CHD6: variants seen among roughly 807,000 people sequenced by gnomAD.
CHD6 encodes the protein chromodomain helicase DNA binding protein 6.
In CHD6, 50 loss-of-function variants were observed where a neutral mutation model predicts 276.9. The observed-to-expected ratio is 0.18, with a 90% CI of 0.14 to 0.23. The LOEUF is 0.23. Among genes scored for constraint, CHD6 ranks in the 10% least tolerant of loss-of-function variants. The pLI, the probability that CHD6 is intolerant of heterozygous loss-of-function variation, is 1.00. For synonymous variants in CHD6, 1,173 were observed against 1,229.3 expected (o/e 0.95, Z 0.96); for missense variants, 2,564 against 3,365.8 (o/e 0.76, Z 5.89).
At chr20:41,462,850 AG>A (rs1190841443) in intron 17 of CHD6, among the ~76,000 whole-genome samples, 2 of 152,174 alleles carry the variant, frequency 1.3e-5, no homozygotes, top group Non-Finnish European at 2.9e-5. Flanking sequence ...GTCCACTGAG[AG>A]GGCCTAGAAG....
At chr20:41,541,396 C>T (rs1244044425) in intron 2 of CHD6, among the ~76,000 whole-genome samples, 1 of 152,152 alleles carries the variant, frequency 6.6e-6, no homozygotes, top group Non-Finnish European at 1.5e-5. Flanking sequence ...TTCACATAGT[C>T]ACAGCTGGTT....
rs199798781 is a variant in CHD6, at chr20:41,512,850, G to A, written c.848C>T (p.Ala283Val). ...AACCTCATGCAAAGGCCATACCTCCGCCTGCCAGGCCAGTGTAGAGGCTGA... is the reference window on the plus strand; with the variant it reads ...AACCTCATGCAAAGGCCATACCTCCACCTGCCAGGCCAGTGTAGAGGCTGA... ...ALSASTLAWQ[A>V]EEPPEDDANI... The change falls in exon 5 of 37, where the codon GCG becomes GTG. Residue 283 changes from alanine (A) to valine (V), a missense_variant. This residue lies in a region of CHD6 where 457 missense variants were observed against 889.0 expected (regional missense o/e 0.51). Transcript: ENST00000373233. 73 of 1,613,812 alleles carry A rather than the reference G, an allele frequency of 4.5e-5. No individual in the cohort carries two copies. Among genetic ancestry groups the A allele is most frequent in the Non-Finnish European group, 5.6e-5 (66 of 1,179,890 alleles).
rs187729864 is a variant in CHD6 at position 41,450,904 on chromosome 20, G to A, written c.3683+42C>T. The A allele has an allele frequency of 2.7e-4, 426 of 1,580,188 alleles. 1 individual carries two copies. In the African/African-American group the frequency reaches 5.2e-3, roughly 19 times the overall value. On this transcript the variant is annotated intron_variant, in intron 23 of 36. Coordinates refer to ENST00000373233, the MANE Select transcript of CHD6 (RefSeq NM_032221.5). Reference sequence around the variant, plus strand: ...GGGTTCCCAGGAATCGAAGCAGTCTGAGCCGGGCTGCCACCAGGGTATGGG... The same window carrying A: ...GGGTTCCCAGGAATCGAAGCAGTCTAAGCCGGGCTGCCACCAGGGTATGGG...
intron 25 of CHD6, among the ~76,000 whole-genome samples, chr20:41,443,313 C>A (rs900108246): frequency 6.6e-6 from 1 of 152,198 alleles, no homozygotes; most frequent in Non-Finnish European, 1.5e-5. Flanking sequence ...AATCCCAATA[C>A]CCTGAACAGT....
chr20:41,499,236 C>T, intron 6 of CHD6, 59 bp downstream of exon 6: 2 of 1,357,236 alleles, frequency 1.5e-6, no homozygotes, highest in South Asian at 1.3e-5. Flanking sequence ...CCAAAAATCT[C>T]TTCACAGAAG....
In CHD6 at chr20:41,594,446, C is replaced by T. The variant is rs566479669; in HGVS notation, c.-24+23894G>A. ...CACTTCACACCTCCACATCTGTGCACGAGCTATCATGCCCTTTGACTATCT... is the reference window on the plus strand; with the variant it reads ...CACTTCACACCTCCACATCTGTGCATGAGCTATCATGCCCTTTGACTATCT... On this transcript the variant is annotated intron_variant, in intron 1 of 36. Coordinates refer to ENST00000373233, the MANE Select transcript of CHD6 (RefSeq NM_032221.5). Among the ~76,000 whole-genome samples, 25 of 152,316 alleles carry T rather than the reference C, an allele frequency of 1.6e-4. No homozygotes were observed. The South Asian group carries it at 3.7e-3, about 23-fold the overall frequency.
chr20:41,415,254 G>A lies in CHD6; in HGVS notation c.6871C>T (p.Arg2291Trp), dbSNP rs935905776. The part of the protein sequence containing the change: ...DAATRRRRGR[R>W]KHVEGGMDLI... ...TCCATCCCTCCTTCAACATGTTTCCGCCTCCCTCTCCGCCTCCTCGTGGCT... is the reference window on the plus strand; with the variant it reads ...TCCATCCCTCCTTCAACATGTTTCCACCTCCCTCTCCGCCTCCTCGTGGCT... The change falls in exon 34 of 37, where the codon CGG (arginine) becomes TGG (tryptophan). Residue 2291 changes from arginine to tryptophan, a missense_variant. Arg to Trp is a moderately radical substitution (Grantham distance 101). Around this residue, in one of 7 missense-constraint regions of CHD6, gnomAD observed 1,024 missense variants for 1,047.9 expected, o/e 0.98. Coordinates refer to ENST00000373233, the MANE Select transcript of CHD6 (RefSeq NM_032221.5). 7 of 1,613,866 alleles carry A rather than the reference G, an allele frequency of 4.3e-6. No individual in the cohort carries two copies. The highest frequency in any genetic ancestry group is 4.2e-6 in the Non-Finnish European group (5 of 1,180,006).
intron 1 of CHD6, among the ~76,000 whole-genome samples, chr20:41,595,555 T>A (rs2045708676): frequency 6.6e-6 from 1 of 151,606 alleles, no homozygotes; most frequent in South Asian, 2.1e-4. Flanking sequence ...GTAAGAGAGG[T>A]TTAGCCCCAC....
chr20:41,404,105 A>C lies in CHD6; in HGVS notation c.*488T>G. ...TTAGTAATCATGATAAAATAGGGAA[A>C]TATTTTAACTCAAAAATATGCACCA... On this transcript the variant is annotated 3_prime_UTR_variant, in exon 37 of 37. Coordinates refer to ENST00000373233, the MANE Select transcript of CHD6 (RefSeq NM_032221.5). 1 of 1,052,726 alleles carries C rather than the reference A, an allele frequency of 9.5e-7. No individual in the cohort carries two copies. The highest frequency in any genetic ancestry group is 1.1e-6 in the Non-Finnish European group (1 of 871,520). 65.2% of individuals were successfully genotyped at this position (1,052,726 alleles called of 1,614,324 possible).
At chr20:41,497,726 G>GA (rs2043722368) in intron 7 of CHD6, 1 of 543,280 alleles carries the variant, frequency 1.8e-6, no homozygotes, top group Non-Finnish European at 3.3e-6. Context: ...AGCTTCTAGA[G>GA]AAACTGGCTG....
intron 18 of CHD6, among the ~76,000 whole-genome samples, 198 bp from the exon 19 acceptor site, chr20:41,456,177 C>T (rs912572445): frequency 6.6e-6 from 1 of 152,086 alleles, no homozygotes; most frequent in East Asian, 1.9e-4. Flanking sequence ...CCTCTATAGG[C>T]AGCTCTGAAA....
At chr20:41,509,366 C>T (rs759028560) in intron 5 of CHD6, among the ~76,000 whole-genome samples, 8 of 152,142 alleles carry the variant, frequency 5.3e-5, no homozygotes, top group Non-Finnish European at 1.0e-4. Context: ...AAATCCTACA[C>T]TAACATAACT....
chr20:41,485,548 G>C (rs1487805173), intron 14 of CHD6: 3 of 152,142 alleles, frequency 2.0e-5, no homozygotes, highest in African/African-American at 7.2e-5. Context: ...ATTTAGAAGA[G>C]TTACTTACAA....
At chr20:41,609,584 C>G (rs1568732212) in intron 1 of CHD6, among the ~76,000 whole-genome samples, 3 of 152,182 alleles carry the variant, frequency 2.0e-5, no homozygotes, top group African/African-American at 7.2e-5. Context: ...ATAAATTTTG[C>G]TACACTGGCA....
chr20:41,608,689 T>C (rs533641316), intron 1 of CHD6, among the ~76,000 whole-genome samples: 14 of 152,340 alleles, frequency 9.2e-5, no homozygotes, highest in African/African-American at 2.6e-4. Flanking sequence ...TGAAAATGGA[T>C]AGATGTCTTC....
chr20:41,449,668 C>A (rs1193125245), intron 23 of CHD6, among the ~76,000 whole-genome samples: 1 of 152,106 alleles, frequency 6.6e-6, no homozygotes, highest in Non-Finnish European at 1.5e-5. Flanking sequence ...TTTTGGGTGG[C>A]GACATATCCT....
chr20:41,406,850 C>T (rs1166802256), intron 36 of CHD6, among the ~76,000 whole-genome samples: 1 of 152,208 alleles, frequency 6.6e-6, no homozygotes, highest in African/African-American at 2.4e-5. Context: ...TGCAGTTCAG[C>T]AGTCTCAGCG....
chr20:41,421,802 G>C lies in CHD6; in HGVS notation c.4833C>G (p.Ala1611=). 6.2e-7 allele frequency: 1 copy of C among 1,614,188 alleles called. No individual in the cohort carries two copies. The highest frequency in any genetic ancestry group is 2.2e-5 in the East Asian group (1 of 44,882). ...MNDPQLSFLD[A]YRNYAQHKRS... is the part of the protein sequence containing the mutation. ...TTTTATGCTGGGCATAGTTTCTATA[G>C]GCATCCAGGAAGGACAGCTGGGGGT... The change falls in exon 31 of 37, where the codon GCC becomes GCG. Residue 1611 remains alanine (A), a synonymous_variant. Coordinates refer to ENST00000373233, the MANE Select transcript of CHD6 (RefSeq NM_032221.5).
At chr20:41,469,577 T>TG (rs1427248148) in intron 17 of CHD6, among the ~76,000 whole-genome samples, 1 of 152,212 alleles carries the variant, frequency 6.6e-6, no homozygotes, top group Non-Finnish European at 1.5e-5. Flanking sequence ...CTGTGCCACT[T>TG]CTTAACCTTA....
Sources: allele counts gnomAD v4.1 joint callset (sites outside exome capture counted in the v4.1 genomes callset), GRCh38; gene constraint gnomAD v4.1.1; regional missense constraint gnomAD v4.1.1; transcripts MANE v1.5; gene names NCBI Gene and HGNC (gene_info 2026-07-23, HGNC 2026-07-21).